Variants in GSG1L observed in about 807,000 individuals in gnomAD.
The protein encoded by GSG1L is germ cell-specific gene 1-like protein.
In GSG1L, 24 loss-of-function variants were observed where a neutral mutation model predicts 42.1. The ratio of observed to expected loss-of-function variants is 0.57; its 90% CI spans 0.41 to 0.80. The LOEUF is 0.80. Among genes scored for constraint, GSG1L ranks in the 30% least tolerant of loss-of-function variants. The pLI is 0.00. For missense variants in GSG1L, 445 were observed against 472.2 expected, an observed-to-expected ratio of 0.94 and a Z score of 0.53; for synonymous variants, 215 against 203.5, an observed-to-expected ratio of 1.06 and a Z score of -0.48.
At chr16:27,928,402 G>A (rs900300259) in intron 2 of GSG1L, among the ~76,000 whole-genome samples, 1 of 152,154 alleles carries the variant, frequency 6.6e-6, no homozygotes, top group African/African-American at 2.4e-5. Context: ...CGCCGCCTCT[G>A]AGCGACACTC....
intron 2 of GSG1L, among the ~76,000 whole-genome samples, chr16:27,941,910 G>T (rs1443685923): frequency 6.6e-6 from 1 of 152,134 alleles, no homozygotes; most frequent in Non-Finnish European, 1.5e-5. Flanking sequence ...AATTCATAGA[G>T]ATAGGAAGTA....
At chr16:27,882,786 T>C (rs1709771) in intron 3 of GSG1L, among the ~76,000 whole-genome samples, 92,722 of 151,850 alleles carry the variant, frequency 0.61, 28,840 homozygotes, top group Admixed American at 0.73. Flanking sequence ...AAGTTAGAAT[T>C]GTCTGATGAA....
chr16:27,883,581 T>C (rs2083988837), intron 3 of GSG1L, among the ~76,000 whole-genome samples: 1 of 152,194 alleles, frequency 6.6e-6, no homozygotes, highest in Non-Finnish European at 1.5e-5. Context: ...AGGAGGCTCA[T>C]CGTTTTGGTT....
At chr16:27,841,918 C>T (rs1409766334) in intron 4 of GSG1L, among the ~76,000 whole-genome samples, 4 of 152,168 alleles carry the variant, frequency 2.6e-5, no homozygotes, top group African/African-American at 4.8e-5. Flanking sequence ...AAGGGGGACT[C>T]ATGGGGAGGA....
chr16:27,878,270 T>C (rs1388662861), intron 3 of GSG1L, among the ~76,000 whole-genome samples: 1 of 152,152 alleles, frequency 6.6e-6, no homozygotes, highest in Non-Finnish European at 1.5e-5. Flanking sequence ...GGTTTAATTG[T>C]TTCACAGTTT....
chr16:27,984,889 C>A (rs2085363542), intron 1 of GSG1L, among the ~76,000 whole-genome samples: 1 of 152,010 alleles, frequency 6.6e-6, no homozygotes, highest in South Asian at 2.1e-4. Flanking sequence ...TCTGGAGTAG[C>A]TGGGATTACA....
At chr16:27,940,047 C>T (rs375746110) in intron 2 of GSG1L, among the ~76,000 whole-genome samples, 2 of 152,062 alleles carry the variant, frequency 1.3e-5, no homozygotes, top group African/African-American at 2.4e-5. Flanking sequence ...GGCAAGGATA[C>T]GAACAGACAC....
At chr16:27,828,268 C>G (rs1202292161) in intron 5 of GSG1L, among the ~76,000 whole-genome samples, 3 of 152,218 alleles carry the variant, frequency 2.0e-5, no homozygotes, top group Non-Finnish European at 2.9e-5. Context: ...CACCCGCTCA[C>G]CTGTCCAGCC....
At chr16:27,885,833 G>A (rs534946997) in intron 2 of GSG1L, among the ~76,000 whole-genome samples, 1 of 152,312 alleles carries the variant, frequency 6.6e-6, no homozygotes, top group African/African-American at 2.4e-5. Context: ...GAGTTTGGCA[G>A]TTCAAATGTT....
At chr16:27,982,088 C>T (rs1222751979) in intron 1 of GSG1L, among the ~76,000 whole-genome samples, 2 of 152,204 alleles carry the variant, frequency 1.3e-5, no homozygotes, top group East Asian at 1.9e-4. Context: ...GCTGCCCTGG[C>T]CAGGCACCAT....
chr16:27,829,903 A>T (rs144949126), intron 4 of GSG1L, among the ~76,000 whole-genome samples: 131 of 152,196 alleles, frequency 8.6e-4, no homozygotes, highest in South Asian at 2.7e-3. Flanking sequence ...TTGGTTTGTA[A>T]ACTCTCCCCC....
At chr16:27,860,552 C>T (rs548896177) in intron 3 of GSG1L, among the ~76,000 whole-genome samples, 15 of 152,314 alleles carry the variant, frequency 9.8e-5, no homozygotes, top group African/African-American at 3.6e-4. Flanking sequence ...TGGGTAAATG[C>T]GAACTCACAT....
chr16:27,904,955 G>A (rs1057267033), intron 2 of GSG1L, among the ~76,000 whole-genome samples: 1 of 152,206 alleles, frequency 6.6e-6, no homozygotes, highest in African/African-American at 2.4e-5. Flanking sequence ...TGCACTCGGG[G>A]TTGCCAGATC....
intron 5 of GSG1L, among the ~76,000 whole-genome samples, chr16:27,812,311 G>A (rs1174859492): frequency 6.6e-6 from 1 of 152,172 alleles, no homozygotes; most frequent in Non-Finnish European, 1.5e-5. Flanking sequence ...TAAGTTTCAG[G>A]CCAGGAGGAT....
intron 1 of GSG1L, among the ~76,000 whole-genome samples, chr16:28,029,187 C>T (rs1283742230): frequency 6.6e-6 from 1 of 152,166 alleles, no homozygotes; most frequent in Admixed American, 6.5e-5. Context: ...AGAATACCTA[C>T]CCCCAAAGAA....
At chr16:27,950,982 A>G (rs1285894876) in intron 2 of GSG1L, among the ~76,000 whole-genome samples, 1 of 151,902 alleles carries the variant, frequency 6.6e-6, no homozygotes, top group Non-Finnish European at 1.5e-5. Flanking sequence ...CTGCCTTCCC[A>G]CTAGAAGATG....
chr16:27,808,165 G>A (rs2082990300), intron 5 of GSG1L, among the ~76,000 whole-genome samples: 1 of 151,378 alleles, frequency 6.6e-6, no homozygotes, highest in African/African-American at 2.4e-5. Context: ...GCTTGCTGCA[G>A]CCTCCAACAT....
rs2144378271 is a variant in GSG1L, at chr16:27,790,440, C to T, written c.*930G>A. ...CTCTGTAATCACAGGCAAGTTACTT[C>T]ATTCATCTCTGTGACCCTAATTTTC... On this transcript the variant is annotated 3_prime_UTR_variant, in exon 7 of 7. Coordinates refer to ENST00000447459, the MANE Select transcript of GSG1L (RefSeq NM_001109763.2). 1 of 152,314 alleles carries T rather than the reference C, an allele frequency of 6.6e-6. No individual in the cohort carries two copies. The highest frequency in any genetic ancestry group is 3.4e-3 in the Middle Eastern group (1 of 294). 9.4% of individuals were successfully genotyped at this position (152,314 alleles called of 1,614,324 possible).
At chr16:28,045,814 G>A (rs1034520241) in intron 1 of GSG1L, among the ~76,000 whole-genome samples, 3 of 152,098 alleles carry the variant, frequency 2.0e-5, no homozygotes, top group Admixed American at 2.0e-4. Context: ...TGGGCAACAT[G>A]GTGAAACTCC....
Sources: gnomAD v4.1 joint callset for allele counts (sites outside exome capture counted in the v4.1 genomes callset) on GRCh38, gnomAD v4.1.1 for gene constraint, MANE v1.5 for transcripts, NCBI Gene and HGNC (gene_info 2026-07-23, HGNC 2026-07-21) for gene names.